The following ANKRD33B variants were observed in gnomAD, a reference collection of about 807,000 sequenced individuals.
The protein encoded by ANKRD33B is ankyrin repeat domain 33B, also known as ankyrin repeat domain-containing protein 33B.
A neutral mutation model predicts 21.5 loss-of-function variants in ANKRD33B; 6 were observed. The observed-to-expected ratio is 0.28, with a 90% CI of 0.15 to 0.55. The LOEUF (loss-of-function observed/expected upper bound fraction) is 0.55, where lower values mean the gene tolerates loss of function less well. Ranked by LOEUF, ANKRD33B falls within the 20% of genes least tolerant of loss-of-function variation. The pLI is 0.94. For synonymous variants in ANKRD33B, 347 were observed against 342.4 expected (o/e 1.01, Z -0.15); for missense variants, 698 against 747.2 (o/e 0.93, Z 0.77).
rs1320633786 is a variant in ANKRD33B at position 10,638,135 on chromosome 5, C to A, written c.604C>A (p.Arg202=). The part of the protein sequence containing the change: ...TALMKAAMQG[R]TDCIRALMLA... Reference sequence around the variant, plus strand: ...CCTGATGAAAGCCGCCATGCAGGGTCGAACGGACTGCATCCGAGCCCTGAT... The same window carrying A: ...CCTGATGAAAGCCGCCATGCAGGGTAGAACGGACTGCATCCGAGCCCTGAT... The change falls in exon 3 of 4, where the codon CGA becomes AGA. Residue 202 remains arginine (R), a synonymous_variant. Coordinates refer to ENST00000296657, the MANE Select transcript of ANKRD33B (RefSeq NM_001164440.2). 3.9e-6 allele frequency: 6 copies of A among 1,537,416 alleles called. No individual in the cohort carries two copies. The East Asian group carries it at 7.3e-5, about 19-fold the overall frequency.
chr5:10,575,296 G>A (rs1309186613), intron 1 of ANKRD33B, among the ~76,000 whole-genome samples: 4 of 151,976 alleles, frequency 2.6e-5, no homozygotes, highest in African/African-American at 4.8e-5. Context: ...GGTGGTGCAC[G>A]CTTGGAATCC....
At chr5:10,613,308 A>G (rs1736213481) in intron 1 of ANKRD33B, among the ~76,000 whole-genome samples, 1 of 140,686 alleles carries the variant, frequency 7.1e-6, no homozygotes, top group Admixed American at 7.2e-5. Context: ...TTTTTGAGAT[A>G]GAGTCTTGCT....
chr5:10,593,089 G>A (rs1259147253), intron 1 of ANKRD33B, among the ~76,000 whole-genome samples: 4 of 151,968 alleles, frequency 2.6e-5, no homozygotes, highest in East Asian at 1.9e-4. Context: ...TTCCACTTAC[G>A]AGACTAGTAA....
intron 1 of ANKRD33B, among the ~76,000 whole-genome samples, chr5:10,597,128 C>T (rs753929322): frequency 6.6e-6 from 1 of 152,160 alleles, no homozygotes; most frequent in Non-Finnish European, 1.5e-5. Flanking sequence ...GAGGCAACAA[C>T]ATAAACAACT....
At chr5:10,592,194 G>A (rs1735710287) in intron 1 of ANKRD33B, among the ~76,000 whole-genome samples, 1 of 152,028 alleles carries the variant, frequency 6.6e-6, no homozygotes, top group Admixed American at 6.6e-5. Flanking sequence ...TTTAAAGACA[G>A]GGTCTTATTT....
intron 1 of ANKRD33B, among the ~76,000 whole-genome samples, chr5:10,597,004 A>G (rs1309195800): frequency 6.6e-6 from 1 of 152,196 alleles, no homozygotes; most frequent in Non-Finnish European, 1.5e-5. Flanking sequence ...TGCTGAGGGA[A>G]TTTGTCACCA....
chr5:10,621,434 C>T (rs1736418290), intron 2 of ANKRD33B, among the ~76,000 whole-genome samples: 1 of 152,240 alleles, frequency 6.6e-6, no homozygotes, highest in Non-Finnish European at 1.5e-5. Flanking sequence ...CTCCTCTTCA[C>T]CCTTTCCATA....
chr5:10,636,127 C>T lies in ANKRD33B; in HGVS notation c.497-1901C>T, dbSNP rs117157419. Among the ~76,000 whole-genome samples, 68 of 152,270 alleles carry T rather than the reference C, an allele frequency of 4.5e-4. 1 individual carries two copies. In the East Asian group the frequency reaches 0.011, roughly 24 times the overall value. On this transcript the variant is annotated intron_variant, in intron 2 of 3. Transcript: ENST00000296657. ...TGCAAACCAGATGCCTGTGGAGATTCTGGGCCCAGGGCCCGGCTTCTCCAT... is the reference window on the plus strand; with the variant it reads ...TGCAAACCAGATGCCTGTGGAGATTTTGGGCCCAGGGCCCGGCTTCTCCAT...
chr5:10,657,329 CTT>C lies in ANKRD33B; in HGVS notation c.*7218_*7219del, dbSNP rs1437894737. The C allele has an allele frequency of 6.6e-6, 1 of 152,380 alleles. No individual in the cohort carries two copies. The highest frequency in any genetic ancestry group is 1.5e-5 in the Non-Finnish European group (1 of 68,030). 9.4% of individuals were successfully genotyped at this position (152,380 alleles called of 1,614,324 possible). A position where few individuals can be genotyped will look rare whatever the true frequency, so the allele number is the denominator to read the frequency against. On this transcript the variant is annotated 3_prime_UTR_variant, in exon 4 of 4. Coordinates refer to ENST00000296657, the MANE Select transcript of ANKRD33B (RefSeq NM_001164440.2). Reference sequence around the variant, plus strand: ...GGACCTGTGTTTTTAACAAAGATGACTTTATGACCGTTCTAAGGATTGAACAG... The same window carrying C: ...GGACCTGTGTTTTTAACAAAGATGACTATGACCGTTCTAAGGATTGAACAG...
chr5:10,618,167 G>A (rs929332805), intron 1 of ANKRD33B, among the ~76,000 whole-genome samples, 166 bp from the exon 2 acceptor site: 2 of 152,150 alleles, frequency 1.3e-5, no homozygotes, highest in Non-Finnish European at 2.9e-5. Flanking sequence ...GAGAAGGATC[G>A]AGCGGCTGGC....
At chr5:10,588,957 T>C (rs1735623696) in intron 1 of ANKRD33B, among the ~76,000 whole-genome samples, 1 of 152,152 alleles carries the variant, frequency 6.6e-6, no homozygotes, top group Non-Finnish European at 1.5e-5. Flanking sequence ...TCCATCTGCT[T>C]GTCCTGTTCC....
chr5:10,608,786 A>G (rs575965242), intron 1 of ANKRD33B, among the ~76,000 whole-genome samples: 61 of 152,360 alleles, frequency 4.0e-4, no homozygotes, highest in African/African-American at 1.4e-3. Context: ...GATTAATAAT[A>G]TGACTGCATC....
At position 10,564,431 on chromosome 5, in the gene ANKRD33B, CG is replaced by C; in HGVS notation, c.-36del. 1 of 1,045,662 alleles carries C rather than the reference CG, an allele frequency of 9.6e-7. No homozygotes were observed. Among genetic ancestry groups the C allele is most frequent in the Non-Finnish European group, 1.1e-6 (1 of 870,654 alleles). 64.8% of individuals were successfully genotyped at this position (1,045,662 alleles called of 1,614,324 possible). A position where few individuals can be genotyped will look rare whatever the true frequency, so the allele number is the denominator to read the frequency against. ...CGCCCCGCGTCCCGCTCTTCCTGCC[CG>C]CGCCCCGGCCCCCGGCCCGCGCCCC... On this transcript the variant is annotated 5_prime_UTR_variant, in exon 1 of 4. Coordinates refer to ENST00000296657, the MANE Select transcript of ANKRD33B (RefSeq NM_001164440.2).
chr5:10,566,889 C>A (rs1735075773), intron 1 of ANKRD33B, among the ~76,000 whole-genome samples: 1 of 152,234 alleles, frequency 6.6e-6, no homozygotes, highest in Non-Finnish European at 1.5e-5. Context: ...AGGCCTGGCC[C>A]CAGGCTTGTG....
chr5:10,577,085 T>C (rs1560961370), intron 1 of ANKRD33B, among the ~76,000 whole-genome samples: 1 of 151,556 alleles, frequency 6.6e-6, no homozygotes, highest in African/African-American at 2.4e-5. Flanking sequence ...CTTTCCCCTT[T>C]CCCTTTCCCT....
Position 10,619,366 on chromosome 5 carries a change from C to A in ANKRD33B, c.496+904C>A, listed in dbSNP as rs1736362235. The A allele has an allele frequency of 1.0e-6, 1 of 985,268 alleles. No homozygotes were observed. 61.0% of individuals were successfully genotyped at this position (985,268 alleles called of 1,614,324 possible). A position where few individuals can be genotyped will look rare whatever the true frequency, so the allele number is the denominator to read the frequency against. ...AGGGCCTGGAAACTGGAGGAAGTGC[C>A]CCCGACCACACTGTATGTTGATTCT... is the stretch of plus-strand genomic sequence containing the variant. On this transcript the variant is annotated intron_variant, in intron 2 of 3. Coordinates refer to ENST00000296657, the MANE Select transcript of ANKRD33B (RefSeq NM_001164440.2). This position sits in a 1 kb window ranked among gnomAD's most constrained non-coding sequence, Gnocchi z 4.5.
intron 2 of ANKRD33B, among the ~76,000 whole-genome samples, chr5:10,637,015 C>G (rs947224436): frequency 2.0e-5 from 3 of 152,228 alleles, no homozygotes; most frequent in Non-Finnish European, 4.4e-5. Context: ...GTCCCCACAA[C>G]CAAGAGTCAT....
chr5:10,568,804 G>T (rs1735113480), intron 1 of ANKRD33B, among the ~76,000 whole-genome samples: 1 of 152,110 alleles, frequency 6.6e-6, no homozygotes, highest in South Asian at 2.1e-4. Flanking sequence ...AAAGTTCTGG[G>T]ATTACCGGTG....
chr5:10,564,738 C>G lies in ANKRD33B; in HGVS notation c.271C>G (p.Arg91Gly), dbSNP rs1401675536. 1.3e-6 allele frequency: 2 copies of G among 1,531,124 alleles called. No homozygotes were observed. Among genetic ancestry groups the G allele is most frequent in the African/African-American group, 2.7e-5 (2 of 73,010 alleles). The allele number at this position is 1,531,124 out of a possible 1,614,324, so 94.8% of individuals were successfully genotyped here. ...ESVPETATLLRAACANNVGLL... is the reference protein window; with the variant it reads ...ESVPETATLLGAACANNVGLL... ...CGTCCCGGAGACGGCGACCCTCCTG[C>G]GCGCCGCCTGCGCCAACAACGTGGG... Residue 91 changes from arginine to glycine, a missense_variant, in exon 1 of 4, where the codon CGC becomes GGC. Physicochemically the swap from Arg to Gly is moderately radical, Grantham distance 125. Transcript: ENST00000296657.
Sources: allele counts gnomAD v4.1 joint callset (sites outside exome capture counted in the v4.1 genomes callset), GRCh38; gene constraint gnomAD v4.1.1; non-coding constraint Gnocchi (gnomAD v3.1); transcripts MANE v1.5; gene names NCBI Gene and HGNC (gene_info 2026-07-23, HGNC 2026-07-21).